The following WDFY1 variants were observed in gnomAD, a reference collection of about 807,000 sequenced individuals.
WDFY1 encodes the protein WD repeat and FYVE domain-containing protein 1.
WDFY1 carries 32 observed loss-of-function variants against 56.4 expected under a neutral mutation model. The ratio of observed to expected loss-of-function variants is 0.57; its 90% CI spans 0.43 to 0.76. The LOEUF (loss-of-function observed/expected upper bound fraction) is 0.76, where lower values mean the gene tolerates loss of function less well. Among genes scored for constraint, WDFY1 ranks in the 30% least tolerant of loss-of-function variants. WDFY1 has a pLI of 0.00. For synonymous variants in WDFY1, 192 were observed against 197.3 expected, an observed-to-expected ratio of 0.97 and a Z score of 0.23; for missense variants, 480 against 545.7, an observed-to-expected ratio of 0.88 and a Z score of 1.20.
chr2:223,909,890 A>C (rs777538908), intron 3 of WDFY1, among the ~76,000 whole-genome samples: 11 of 152,206 alleles, frequency 7.2e-5, no homozygotes, highest in Admixed American at 2.0e-4. Context: ...TGATCTTCGA[A>C]AAATGTAAAT....
At position 223,945,207 on chromosome 2, in the gene WDFY1, G is replaced by A. The variant is rs539351531; in HGVS notation, c.78C>T (p.Ala26=). The change falls in exon 1 of 12, where the codon GCC becomes GCT. Residue 26 remains alanine, a synonymous_variant. Coordinates refer to ENST00000233055, the MANE Select transcript of WDFY1 (RefSeq NM_020830.5). ...LLSKIEGHQD[A]VTAALLIPKE... ...TGGGGATGAGCAGCGCGGCCGTGAC[G>A]GCGTCCTGGTGCCCCTCGATCTTGC... The A allele has an allele frequency of 5.0e-6, 8 of 1,599,272 alleles. No homozygotes were observed. In the South Asian group the frequency reaches 8.9e-5, roughly 18 times the overall value.
At chr2:223,942,546 T>TTTTTTTTTTTTTTG (rs1689326375) in intron 1 of WDFY1, among the ~76,000 whole-genome samples, 1 of 112,426 alleles carries the variant, frequency 8.9e-6, no homozygotes, top group African/African-American at 3.5e-5. Context: ...TTTTTTTTTT[T>TTTTTTTTTTTTTTG]GAGACGGAGT....
intron 1 of WDFY1, among the ~76,000 whole-genome samples, chr2:223,944,196 G>GA (rs1689362400): frequency 6.6e-6 from 1 of 152,226 alleles, no homozygotes; most frequent in Admixed American, 6.5e-5. Context: ...AGTACAGGGG[G>GA]AGGAAGAGAG....
intron 1 of WDFY1, among the ~76,000 whole-genome samples, chr2:223,932,564 A>C (rs2106101451): frequency 6.6e-6 from 1 of 152,278 alleles, no homozygotes; most frequent in East Asian, 1.9e-4. Context: ...TTTCTCAAAA[A>C]CACACCCTAA....
chr2:223,930,937 A>G (rs980891092), intron 1 of WDFY1, among the ~76,000 whole-genome samples: 1 of 152,232 alleles, frequency 6.6e-6, no homozygotes, highest in African/African-American at 2.4e-5. Flanking sequence ...TGAGGCCAGA[A>G]GCACTGCCTA....
intron 1 of WDFY1, among the ~76,000 whole-genome samples, chr2:223,924,243 C>G (rs1041095992): frequency 3.9e-5 from 6 of 152,196 alleles, no homozygotes; most frequent in African/African-American, 1.2e-4. Context: ...CTCCTCTGCA[C>G]TTTTAGAGAA....
intron 1 of WDFY1, among the ~76,000 whole-genome samples, chr2:223,941,239 G>C (rs1004373385): frequency 2.0e-5 from 3 of 151,856 alleles, no homozygotes; most frequent in Admixed American, 1.3e-4. Flanking sequence ...TTACAGTCGT[G>C]AGCCACCGCA....
intron 4 of WDFY1, 81 bp from the exon 5 acceptor site, chr2:223,901,414 C>A: frequency 6.5e-7 from 1 of 1,532,114 alleles, no homozygotes; most frequent in Non-Finnish European, 8.9e-7. Context: ...ACCTCTCAAT[C>A]TGCTCAGCCA....
At position 223,945,255 on chromosome 2, in the gene WDFY1, C is replaced by T. The variant is rs1323565861; in HGVS notation, c.30G>A (p.Gln10=). Residue 10 remains glutamine (Q), a synonymous_variant, in exon 1 of 12, where the codon CAG becomes CAA. Coordinates refer to ENST00000233055, the MANE Select transcript of WDFY1 (RefSeq NM_020830.5). ...TGCTCAGCAGCACCGGGCGGCTGCTCTGCGGCCTGGAGTGGATTTCGGCCG... is the reference window on the plus strand; with the variant it reads ...TGCTCAGCAGCACCGGGCGGCTGCTTTGCGGCCTGGAGTGGATTTCGGCCG... MAAEIHSRP[Q]SSRPVLLSKI... is the part of the protein sequence containing the mutation. The T allele has an allele frequency of 2.5e-6, 4 of 1,586,744 alleles. No homozygotes were observed. The highest frequency in any genetic ancestry group is 3.4e-5 in the Admixed American group (2 of 58,314).
intron 3 of WDFY1, among the ~76,000 whole-genome samples, chr2:223,911,566 C>CCACACACA (rs58131865): frequency 1.6e-3 from 221 of 136,136 alleles, no homozygotes; most frequent in African/African-American, 5.4e-3. Flanking sequence ...AGCTGAATGA[C>CCACACACA]CACACACACA....
rs1351623374 is a variant in WDFY1, at chr2:223,877,363, T to A, written c.*1308A>T. ...ATTAGCAAAGATACTGTTGCTATTT[T>A]TATATTTGTCCTTTAAAAAGGTAGG... On this transcript the variant is annotated 3_prime_UTR_variant, in exon 12 of 12. Transcript: ENST00000233055. 1.3e-5 allele frequency: 2 copies of A among 152,214 alleles called. No homozygotes were observed. The highest frequency in any genetic ancestry group is 3.8e-4 in the East Asian group (2 of 5,200). 9.4% of individuals were successfully genotyped at this position (152,214 alleles called of 1,614,324 possible). A position where few individuals can be genotyped will look rare whatever the true frequency, so the allele number is the denominator to read the frequency against.
At chr2:223,895,429 A>T in intron 7 of WDFY1, 75 bp downstream of exon 7, 3 of 1,605,628 alleles carry the variant, frequency 1.9e-6, no homozygotes, top group Non-Finnish European at 2.6e-6. Flanking sequence ...AGAAAGTGGT[A>T]TCAGACTATT....
chr2:223,883,567 A>C (rs754675062), intron 9 of WDFY1, among the ~76,000 whole-genome samples: 22 of 152,292 alleles, frequency 1.4e-4, no homozygotes, highest in Non-Finnish European at 5.9e-5. Flanking sequence ...GAGCACTAAT[A>C]ATTCCCTTCT....
intron 6 of WDFY1, among the ~76,000 whole-genome samples, chr2:223,896,637 T>C (rs946184126): frequency 6.6e-6 from 1 of 152,174 alleles, no homozygotes; most frequent in Non-Finnish European, 1.5e-5. Flanking sequence ...ATCAACTTAG[T>C]AAAACTGAAC....
At chr2:223,898,694 T>C (rs1310722908) in intron 6 of WDFY1, among the ~76,000 whole-genome samples, 2 of 152,132 alleles carry the variant, frequency 1.3e-5, no homozygotes, top group Admixed American at 6.6e-5. Flanking sequence ...TGTGAACCAA[T>C]GTGCCAGCCA....
chr2:223,899,628 C>G (rs935380447), intron 5 of WDFY1, among the ~76,000 whole-genome samples: 2 of 152,056 alleles, frequency 1.3e-5, no homozygotes, highest in Non-Finnish European at 2.9e-5. Flanking sequence ...CGCCTGTAAT[C>G]CCAGTTACTC....
At chr2:223,916,218 TACTA>T (rs1260779658) in intron 2 of WDFY1, among the ~76,000 whole-genome samples, 9 of 152,178 alleles carry the variant, frequency 5.9e-5, no homozygotes, top group Admixed American at 5.9e-4. Flanking sequence ...CCTAATAAAC[TACTA>T]ACTTTTTGTG....
chr2:223,904,425 TTA>T (rs1242026576), intron 4 of WDFY1, among the ~76,000 whole-genome samples: 1 of 19,528 alleles, frequency 5.1e-5, no homozygotes, highest in East Asian at 6.0e-4. Flanking sequence ...CTAATTTTTG[TTA>T]TTTTTAGTAG....
intron 1 of WDFY1, among the ~76,000 whole-genome samples, chr2:223,921,226 C>T (rs901428954): frequency 6.6e-6 from 1 of 152,140 alleles, no homozygotes; most frequent in Non-Finnish European, 1.5e-5. Context: ...CTTTATTTAT[C>T]CAAACAAATA....
Sources: gnomAD v4.1 joint callset for allele counts (sites outside exome capture counted in the v4.1 genomes callset) on GRCh38, gnomAD v4.1.1 for gene constraint, MANE v1.5 for transcripts, NCBI Gene and HGNC (gene_info 2026-07-23, HGNC 2026-07-21) for gene names.